ZC2HC1A: variants seen among roughly 807,000 people sequenced by gnomAD.
ZC2HC1A encodes zinc finger C2HC-type containing 1A.
ZC2HC1A carries 28 observed loss-of-function variants against 40.7 expected under a neutral mutation model. The ratio of observed to expected loss-of-function variants is 0.69; its 90% CI spans 0.51 to 0.94. The LOEUF (loss-of-function observed/expected upper bound fraction) is 0.94. Among genes scored for constraint, ZC2HC1A ranks in the 40% least tolerant of loss-of-function variants. The probability of loss-of-function intolerance (pLI) is 0.00; values close to 1 mark genes in which losing one functional copy is unlikely to be tolerated. For missense variants in ZC2HC1A, 389 were observed against 386.3 expected (o/e 1.01, Z -0.06); for synonymous variants, 129 against 129.2 (o/e 1.00, Z 0.01).
chr8:78,689,095 A>G (rs1810122650), intron 4 of ZC2HC1A, 127 bp from the exon 5 acceptor site: 2 of 560,732 alleles, frequency 3.6e-6, no homozygotes, highest in East Asian at 3.7e-5. Context: ...TTATAAGGAT[A>G]TGGGAATTTT....
At chr8:78,679,797 A>G (rs950462719) in intron 3 of ZC2HC1A, among the ~76,000 whole-genome samples, 1 of 152,246 alleles carries the variant, frequency 6.6e-6, no homozygotes, top group South Asian at 2.1e-4. Context: ...ATTTGATGAT[A>G]GAAAAATTAG....
chr8:78,699,697 C>T (rs1810538936), intron 7 of ZC2HC1A, among the ~76,000 whole-genome samples: 1 of 152,078 alleles, frequency 6.6e-6, no homozygotes, highest in Non-Finnish European at 1.5e-5. Flanking sequence ...TTAGCTTCCA[C>T]TTATAAGTGA....
intron 7 of ZC2HC1A, among the ~76,000 whole-genome samples, chr8:78,711,182 G>A (rs1478333598): frequency 1.3e-5 from 2 of 152,106 alleles, no homozygotes; most frequent in African/African-American, 4.8e-5. Flanking sequence ...TTATTCAGTA[G>A]CAAATAAGAT....
rs1406700274 is a variant in ZC2HC1A, at chr8:78,689,484, A to G, written c.504+111A>G. 7.3e-6 allele frequency: 7 copies of G among 965,290 alleles called. No homozygotes were observed. The East Asian group carries it at 2.2e-4, about 30-fold the overall frequency. 59.8% of individuals were successfully genotyped at this position (965,290 alleles called of 1,614,324 possible). A position where few individuals can be genotyped will look rare whatever the true frequency, so the allele number is the denominator to read the frequency against. ...GACTATATTTTTCTCACCTGCTTTT[A>G]TAGATATATAGTTTTATATATCTAT... On this transcript the variant is annotated intron_variant, in intron 5 of 8. Transcript: ENST00000263849.
At chr8:78,673,885 A>C (rs1377102127) in intron 1 of ZC2HC1A, among the ~76,000 whole-genome samples, 1 of 152,052 alleles carries the variant, frequency 6.6e-6, no homozygotes, top group Non-Finnish European at 1.5e-5. Context: ...ATTGCTTTTA[A>C]ATTATCCCCA....
chr8:78,702,651 T>C (rs964761357), intron 7 of ZC2HC1A, among the ~76,000 whole-genome samples: 27 of 152,180 alleles, frequency 1.8e-4, no homozygotes, highest in African/African-American at 6.5e-4. Context: ...GAGAGTCTGG[T>C]ATGTTGTTTC....
chr8:78,682,995 A>G (rs763231871), intron 3 of ZC2HC1A, among the ~76,000 whole-genome samples: 1 of 152,222 alleles, frequency 6.6e-6, no homozygotes, highest in South Asian at 2.1e-4. Context: ...CTTTGACTCC[A>G]TGTCTCACAT....
intron 3 of ZC2HC1A, among the ~76,000 whole-genome samples, chr8:78,683,887 A>C (rs1274115586): frequency 6.6e-6 from 1 of 152,240 alleles, no homozygotes; most frequent in African/African-American, 2.4e-5. Context: ...TCTCTATTGC[A>C]ACAGCAAAAT....
At position 78,711,906 on chromosome 8, in the gene ZC2HC1A, A is replaced by G. The variant is rs557256993; in HGVS notation, c.705-3315A>G. 6.3e-6 allele frequency: 5 copies of G among 790,532 alleles called. No individual in the cohort carries two copies. The African/African-American group carries it at 9.1e-5, about 14-fold the overall frequency. The allele number at this position is 790,532 out of a possible 1,614,324, so 49.0% of individuals were successfully genotyped here. On this transcript the variant is annotated intron_variant, in intron 7 of 8. Transcript: ENST00000263849. ...GACTTGGGGAGTAGATATCTGATGA[A>G]CCAGAATAATGTCTTTTAAAAAAAC...
chr8:78,676,103 C>T, intron 2 of ZC2HC1A: 1 of 329,862 alleles, frequency 3.0e-6, no homozygotes, highest in Non-Finnish European at 5.4e-6. Flanking sequence ...TTTTACGAGA[C>T]TCTTACCAAA....
intron 2 of ZC2HC1A, 181 bp downstream of exon 2, chr8:78,676,044 A>C: frequency 4.6e-6 from 2 of 431,820 alleles, no homozygotes; most frequent in Non-Finnish European, 8.0e-6. Context: ...TCTTTCCTTC[A>C]GAGTTTGGTC....
rs893160696 is a variant in ZC2HC1A at position 78,686,591 on chromosome 8, C to T, written c.335C>T (p.Pro112Leu). Reference sequence around the variant, plus strand: ...GGTGGCAAACTTCCTCCTCCTCCTCCACCTTCTTATGATCCTGGTATTTGG... The same window carrying T: ...GGTGGCAAACTTCCTCCTCCTCCTCTACCTTCTTATGATCCTGGTATTTGG... ...KEGGKLPPPP[P>L]PSYDPDYIQC... The change falls in exon 4 of 9, where the codon CCA (proline) becomes CTA (leucine). Residue 112 changes from proline (P) to leucine (L), a missense_variant. Physicochemically the swap from Pro to Leu is moderately conservative, Grantham distance 98 (BLOSUM62 -3). Transcript: ENST00000263849. 4 of 1,522,926 alleles carry T rather than the reference C, an allele frequency of 2.6e-6. 1 individual carries two copies. In the South Asian group the frequency reaches 5.5e-5, roughly 21 times the overall value. The allele number at this position is 1,522,926 out of a possible 1,614,324, so 94.3% of individuals were successfully genotyped here.
In ZC2HC1A at chr8:78,697,386, AT is replaced by A. The variant is rs759250877; in HGVS notation, c.505-13del. 3.1e-4 allele frequency: 485 copies of A among 1,545,002 alleles called. 3 individuals are homozygous for A. The highest frequency in any genetic ancestry group is 2.6e-3 in the East Asian group (112 of 43,686). ...TAATCAAAAAGTGATGTTGATTAAT[AT>A]TTTTTTTCCATTATTTTAGTATAAG... is the stretch of plus-strand genomic sequence containing the variant. On this transcript the variant is annotated intron_variant, in intron 5 of 8. Transcript: ENST00000263849.
intron 6 of ZC2HC1A, among the ~76,000 whole-genome samples, chr8:78,698,056 G>T (rs1266627356): frequency 1.3e-5 from 2 of 152,060 alleles, no homozygotes; most frequent in Non-Finnish European, 2.9e-5. Context: ...AGAATAGTCA[G>T]CCCAGTACTT....
intron 4 of ZC2HC1A, among the ~76,000 whole-genome samples, chr8:78,689,021 A>G (rs1810117955): frequency 7.2e-6 from 1 of 138,854 alleles, no homozygotes; most frequent in Non-Finnish European, 1.5e-5. Context: ...ATTGGAAGTC[A>G]TGTACCAGCA....
intron 2 of ZC2HC1A, among the ~76,000 whole-genome samples, chr8:78,677,645 A>C (rs181961219): frequency 0.019 from 2,924 of 150,124 alleles, 55 homozygotes; most frequent in Non-Finnish European, 0.027. Context: ...CATTTAGTGG[A>C]GACTTTTTTT....
At chr8:78,705,498 C>T (rs1376422038) in intron 7 of ZC2HC1A, among the ~76,000 whole-genome samples, 2 of 152,192 alleles carry the variant, frequency 1.3e-5, no homozygotes, top group African/African-American at 2.4e-5. Context: ...AGCCAAAGAA[C>T]ACCTGTGGGT....
At position 78,689,377 on chromosome 8, in the gene ZC2HC1A, A is replaced by C. The variant is rs746865537; in HGVS notation, c.504+4A>C. 1.9e-6 allele frequency: 3 copies of C among 1,565,000 alleles called. No homozygotes were observed. Among genetic ancestry groups the C allele is most frequent in the Non-Finnish European group, 2.6e-6 (3 of 1,159,406 alleles). ...ACCAACTTCTCGGACACAGGTGGTA[A>C]GTTCAGTTTTAATAATTGCTATAAA... On this transcript the variant is annotated splice_donor_region_variant and intron_variant, in intron 5 of 8. Transcript: ENST00000263849.
At chr8:78,697,354 C>G in intron 5 of ZC2HC1A, 53 bp from the exon 6 acceptor site, 1 of 1,411,944 alleles carries the variant, frequency 7.1e-7, no homozygotes, top group Non-Finnish European at 9.7e-7. Flanking sequence ...CACTACTTTA[C>G]AATCCATAAT....
Sources: allele counts gnomAD v4.1 joint callset (sites outside exome capture counted in the v4.1 genomes callset), GRCh38; gene constraint gnomAD v4.1.1; transcripts MANE v1.5; gene names NCBI Gene and HGNC (gene_info 2026-07-23, HGNC 2026-07-21).